Variants in RBFOX1 observed in about 807,000 individuals in gnomAD.
RBFOX1 encodes RNA binding fox-1 homolog 1.
RBFOX1 carries 8 observed loss-of-function variants against 57.7 expected under a neutral mutation model. The observed-to-expected ratio is 0.14, with a 90% CI of 0.08 to 0.25. The LOEUF (loss-of-function observed/expected upper bound fraction) is 0.25, where lower values mean the gene tolerates loss of function less well. Among genes scored for constraint, RBFOX1 ranks in the 10% least tolerant of loss-of-function variants. RBFOX1 has a pLI of 1.00. For synonymous variants in RBFOX1, 326 were observed against 222.4 expected (o/e 1.47, Z -4.15); for missense variants, 611 against 548.5 (o/e 1.11, Z -1.14).
intron 4 of RBFOX1, among the ~76,000 whole-genome samples, chr16:7,095,181 C>G (rs113436392): frequency 2.6e-5 from 4 of 152,000 alleles, no homozygotes; most frequent in Non-Finnish European, 4.4e-5. Flanking sequence ...CTGTCGCCCA[C>G]GCTGGAGTGC....
chr16:6,167,800 G>A (rs1431645098), intron 1 of RBFOX1, among the ~76,000 whole-genome samples: 1 of 152,164 alleles, frequency 6.6e-6, no homozygotes, highest in South Asian at 2.1e-4. Flanking sequence ...GTGGAGGCCA[G>A]AAGATGTAGG....
intron 2 of RBFOX1, among the ~76,000 whole-genome samples, chr16:5,597,498 C>G (rs1192635294): frequency 6.7e-6 from 1 of 148,616 alleles, no homozygotes; most frequent in Non-Finnish European, 1.5e-5. Context: ...CTCCCAGGTT[C>G]AAGCGATTCT....
chr16:6,541,365 C>G (rs2096815109), intron 2 of RBFOX1, among the ~76,000 whole-genome samples: 1 of 152,174 alleles, frequency 6.6e-6, no homozygotes, highest in Admixed American at 6.5e-5. Flanking sequence ...TACCCAATGC[C>G]AGACACTGTT....
At chr16:6,525,355 G>C (rs1345036962) in intron 2 of RBFOX1, among the ~76,000 whole-genome samples, 10 of 152,294 alleles carry the variant, frequency 6.6e-5, no homozygotes, top group African/African-American at 2.2e-4. Context: ...TGGTGTAGTT[G>C]AGTACACTTC....
chr16:7,290,348 A>T (rs953591484), intron 4 of RBFOX1, among the ~76,000 whole-genome samples: 18 of 152,168 alleles, frequency 1.2e-4, no homozygotes, highest in Non-Finnish European at 5.9e-5. Context: ...GCTATTGAGA[A>T]GATGCTGGTT....
intron 3 of RBFOX1, among the ~76,000 whole-genome samples, chr16:6,830,745 A>C (rs990481815): frequency 6.6e-6 from 1 of 152,172 alleles, no homozygotes; most frequent in East Asian, 1.9e-4. Context: ...TACTCTTTGC[A>C]TTCTGGTAAT....
At chr16:6,631,520 T>A (rs376611388) in intron 2 of RBFOX1, among the ~76,000 whole-genome samples, 5 of 151,860 alleles carry the variant, frequency 3.3e-5, no homozygotes, top group Admixed American at 2.6e-4. Context: ...TGAACAAATA[T>A]TAAGTGGAGG....
intron 4 of RBFOX1, among the ~76,000 whole-genome samples, chr16:7,228,129 A>G (rs569437891): frequency 6.6e-6 from 1 of 152,102 alleles, no homozygotes; most frequent in Admixed American, 6.5e-5. Context: ...GGTGGCAAAG[A>G]TGAGAGTATC....
intron 3 of RBFOX1, among the ~76,000 whole-genome samples, chr16:6,793,689 T>C (rs2154250558): frequency 6.6e-6 from 1 of 152,300 alleles, no homozygotes; most frequent in Middle Eastern, 3.4e-3. Context: ...ATGAAAACAG[T>C]GCATTGGCCA....
At chr16:5,527,637 T>C (rs1007202023) in intron 2 of RBFOX1, among the ~76,000 whole-genome samples, 1 of 152,208 alleles carries the variant, frequency 6.6e-6, no homozygotes, top group Admixed American at 6.5e-5. Context: ...TGTCTTCCCA[T>C]TGGAGGGCAG....
intron 1 of RBFOX1, among the ~76,000 whole-genome samples, chr16:5,336,959 A>ACCTTTAAGTG: frequency 6.6e-6 from 1 of 152,280 alleles, no homozygotes; most frequent in East Asian, 1.9e-4. Context: ...AGCCCTAAGT[A>ACCTTTAAGTG]CCTTTCTTGC....
At chr16:6,233,100 C>T (rs537165060) in intron 1 of RBFOX1, among the ~76,000 whole-genome samples, 1 of 152,238 alleles carries the variant, frequency 6.6e-6, no homozygotes, top group African/African-American at 2.4e-5. Context: ...GGGCCAGCTG[C>T]TGGGTGAGAT....
intron 2 of RBFOX1, among the ~76,000 whole-genome samples, chr16:5,545,151 A>G (rs1054943259): frequency 6.6e-6 from 1 of 151,436 alleles, no homozygotes; most frequent in Non-Finnish European, 1.5e-5. Flanking sequence ...TAATTTTGGT[A>G]TTTTTTAGTA....
At chr16:5,913,462 G>A (rs531406692) in intron 4 of RBFOX1, among the ~76,000 whole-genome samples, 2 of 152,302 alleles carry the variant, frequency 1.3e-5, no homozygotes, top group African/African-American at 4.8e-5. Context: ...AGAGCTGGCT[G>A]TTTAAAAGAG....
intron 2 of RBFOX1, among the ~76,000 whole-genome samples, chr16:6,318,856 A>T (rs1036922147): frequency 2.6e-5 from 4 of 151,848 alleles, no homozygotes; most frequent in African/African-American, 9.7e-5. Flanking sequence ...AAGATGCCTT[A>T]TTGGGGATGT....
At chr16:5,483,659 A>C (rs1231818088) in intron 2 of RBFOX1, among the ~76,000 whole-genome samples, 1 of 152,222 alleles carries the variant, frequency 6.6e-6, no homozygotes, top group Non-Finnish European at 1.5e-5. Context: ...ATTGCAGCTG[A>C]AATTCGCCTT....
chr16:5,880,841 A>G (rs1248465002), intron 4 of RBFOX1, among the ~76,000 whole-genome samples: 1 of 152,256 alleles, frequency 6.6e-6, no homozygotes, highest in Non-Finnish European at 1.5e-5. Context: ...TATTAAATAA[A>G]TTAAAACATG....
chr16:5,956,678 A>ATATTTATATATATATATATATATTTTTTT lies in RBFOX1; in HGVS notation c.351+89344_351+89345insATTTATATATATATATATATATTTTTTTT, dbSNP rs368096576. Reference sequence around the variant, plus strand: ...TATATTTATATATATATATATATATATTTTTTTTGAGGCACAGTCTCATCC... The same window carrying ATATTTATATATATATATATATATTTTTTT: ...TATATTTATATATATATATATATATATATTTATATATATATATATATATTTTTTTTTTTTTTTGAGGCACAGTCTCATCC... On this transcript the variant is annotated intron_variant, in intron 4 of 19. Transcript: ENST00000641259. 2.1e-3 allele frequency among the ~76,000 whole-genome samples: 248 copies of ATATTTATATATATATATATATATTTTTTT among 116,402 alleles called. 1 individual carries two copies. Among genetic ancestry groups the ATATTTATATATATATATATATATTTTTTT allele is most frequent in the African/African-American group, 8.0e-3 (232 of 28,858 alleles). 76.4% of individuals were successfully genotyped at this position (116,402 alleles called of 152,430 possible). A position where few individuals can be genotyped will look rare whatever the true frequency, so the allele number is the denominator to read the frequency against.
chr16:5,288,934 G>A (rs978979673), intron 1 of RBFOX1, among the ~76,000 whole-genome samples: 3 of 151,974 alleles, frequency 2.0e-5, no homozygotes, highest in Admixed American at 2.0e-4. Context: ...AGACCATTGC[G>A]GCCAACATGG....
Sources: allele counts gnomAD v4.1 joint callset (sites outside exome capture counted in the v4.1 genomes callset), GRCh38; gene constraint gnomAD v4.1.1; transcripts MANE v1.5; gene names NCBI Gene and HGNC (gene_info 2026-07-23, HGNC 2026-07-21).